The following TTLL5 variants were observed in gnomAD, a reference collection of about 807,000 sequenced individuals.
TTLL5 encodes the protein tubulin polyglutamylase TTLL5.
Under a neutral mutation model 168.4 loss-of-function variants are expected in TTLL5, and 132 were observed. The observed-to-expected ratio is 0.78, with a 90% CI of 0.68 to 0.91. TTLL5 has a LOEUF of 0.91. Ranked by LOEUF, TTLL5 falls within the 40% of genes least tolerant of loss-of-function variation. The probability of loss-of-function intolerance (pLI) is 0.00; values close to 1 mark genes in which losing one functional copy is unlikely to be tolerated. For missense variants in TTLL5, 1,545 were observed against 1,581.5 expected, an observed-to-expected ratio of 0.98 and a Z score of 0.39; for synonymous variants, 546 against 558.6, an observed-to-expected ratio of 0.98 and a Z score of 0.32.
At chr14:75,702,975 ATGT>A (rs1886388869) in intron 7 of TTLL5, among the ~76,000 whole-genome samples, 1 of 152,138 alleles carries the variant, frequency 6.6e-6, no homozygotes, top group South Asian at 2.1e-4. Context: ...CCTGCAAACC[ATGT>A]TGTTAATACT....
chr14:75,920,654 G>A (rs1361081584), intron 31 of TTLL5, among the ~76,000 whole-genome samples: 2 of 152,224 alleles, frequency 1.3e-5, no homozygotes, highest in Non-Finnish European at 2.9e-5. Context: ...TGTCACTGAT[G>A]GACATTTGGG....
intron 27 of TTLL5, among the ~76,000 whole-genome samples, chr14:75,811,159 G>GTGTGTA (rs1464844307): frequency 1.0e-4 from 14 of 135,090 alleles, no homozygotes; most frequent in South Asian, 2.3e-4. Context: ...AAGAAAGAGT[G>GTGTGTA]TGTGTGTGTG....
At chr14:75,857,635 T>C (rs1897199511) in intron 28 of TTLL5, among the ~76,000 whole-genome samples, 1 of 151,586 alleles carries the variant, frequency 6.6e-6, no homozygotes. Context: ...TCTTGTTTGA[T>C]AGAATTCTTT....
intron 3 of TTLL5, among the ~76,000 whole-genome samples, chr14:75,677,344 T>C (rs890059650): frequency 1.3e-5 from 2 of 151,236 alleles, no homozygotes; most frequent in Non-Finnish European, 3.0e-5. Context: ...AGAATCAGGG[T>C]TTGAACCCTA....
At chr14:75,797,334 T>C (rs1893048395) in intron 27 of TTLL5, among the ~76,000 whole-genome samples, 1 of 152,012 alleles carries the variant, frequency 6.6e-6, no homozygotes, top group Admixed American at 6.6e-5. Context: ...TGAACCTTTA[T>C]GGTTTTCTAG....
At chr14:75,791,779 G>A (rs1388544772) in intron 26 of TTLL5, among the ~76,000 whole-genome samples, 1 of 152,102 alleles carries the variant, frequency 6.6e-6, no homozygotes, top group Non-Finnish European at 1.5e-5. Flanking sequence ...TGTATATGCA[G>A]AATGATCATT....
At chr14:75,806,370 A>G (rs1194679013) in intron 27 of TTLL5, among the ~76,000 whole-genome samples, 1 of 151,778 alleles carries the variant, frequency 6.6e-6, no homozygotes, top group Non-Finnish European at 1.5e-5. Flanking sequence ...TCATCATGGT[A>G]CTCTTCTGCT....
intron 29 of TTLL5, among the ~76,000 whole-genome samples, chr14:75,867,483 C>T (rs749454490): frequency 1.3e-5 from 2 of 152,092 alleles, no homozygotes; most frequent in Non-Finnish European, 2.9e-5. Context: ...ATTTCAGGGC[C>T]GGGCGTGGTG....
In TTLL5 at chr14:75,778,488, A is replaced by T. The variant is rs116870602; in HGVS notation, c.2388-1087A>T. Reference sequence around the variant, plus strand: ...CTGACAGGCAAAGGTTTGCACCCTCAGCTGTAGATCTTTGATAGTCACTTG... The same window carrying T: ...CTGACAGGCAAAGGTTTGCACCCTCTGCTGTAGATCTTTGATAGTCACTTG... On this transcript the variant is annotated intron_variant, in intron 23 of 31. Coordinates refer to ENST00000298832, the MANE Select transcript of TTLL5 (RefSeq NM_015072.5). 3.9e-5 allele frequency among the ~76,000 whole-genome samples: 6 copies of T among 152,310 alleles called. No homozygotes were observed. The East Asian group carries it at 7.7e-4, about 20-fold the overall frequency.
intron 9 of TTLL5, chr14:75,711,679 G>A (rs892770633): frequency 1.3e-5 from 2 of 152,136 alleles, no homozygotes; most frequent in Non-Finnish European, 2.9e-5. Context: ...GGAAGGTCCC[G>A]GTTGGAATGG....
chr14:75,841,811 A>T (rs1016117839), intron 28 of TTLL5, among the ~76,000 whole-genome samples: 4 of 152,192 alleles, frequency 2.6e-5, no homozygotes, highest in Non-Finnish European at 5.9e-5. Context: ...ACACATATGG[A>T]AAGATTAGGT....
intron 31 of TTLL5, among the ~76,000 whole-genome samples, chr14:75,940,605 C>G (rs2034570781): frequency 6.6e-6 from 1 of 152,126 alleles, no homozygotes; most frequent in Non-Finnish European, 1.5e-5. Flanking sequence ...ATTTTCATAA[C>G]AGGGTGGTTA....
At chr14:75,817,811 C>CTT (rs199966546) in intron 27 of TTLL5, among the ~76,000 whole-genome samples, 3,242 of 123,222 alleles carry the variant, frequency 0.026, 124 homozygotes, top group African/African-American at 0.093. Flanking sequence ...CACAACCATT[C>CTT]TTTCTTTTCT....
chr14:75,815,746 G>C (rs1894355527), intron 27 of TTLL5, among the ~76,000 whole-genome samples: 1 of 152,136 alleles, frequency 6.6e-6, no homozygotes, highest in Non-Finnish European at 1.5e-5. Context: ...TTTCCTACTA[G>C]TTTCCAAACT....
chr14:75,894,389 T>C (rs1272180896), intron 30 of TTLL5, among the ~76,000 whole-genome samples: 1 of 151,980 alleles, frequency 6.6e-6, no homozygotes, highest in Non-Finnish European at 1.5e-5. Flanking sequence ...CCATCTCTAC[T>C]AAAAATACAA....
intron 3 of TTLL5, among the ~76,000 whole-genome samples, chr14:75,673,397 T>A (rs1375904250): frequency 6.6e-6 from 1 of 152,244 alleles, no homozygotes; most frequent in African/African-American, 2.4e-5. Flanking sequence ...TCTGTAGCCA[T>A]CTTCAAAGGT....
chr14:75,732,000 CTTT>C (rs762598685), intron 12 of TTLL5, among the ~76,000 whole-genome samples: 4 of 129,554 alleles, frequency 3.1e-5, no homozygotes, highest in Non-Finnish European at 5.0e-5. Context: ...TTCCCCGCCT[CTTT>C]TTTTTTTTTT....
chr14:75,762,681 G>T (rs1240422816), intron 18 of TTLL5, among the ~76,000 whole-genome samples: 1 of 152,044 alleles, frequency 6.6e-6, no homozygotes, highest in Admixed American at 6.6e-5. Context: ...TTTATCCAGG[G>T]TCTCTTGGTT....
chr14:75,674,522 T>G (rs1280185411), intron 3 of TTLL5, among the ~76,000 whole-genome samples: 1 of 152,226 alleles, frequency 6.6e-6, no homozygotes, highest in African/African-American at 2.4e-5. Flanking sequence ...TTAATATTTT[T>G]GGTACAATAT....
Sources: gnomAD v4.1 joint callset for allele counts (sites outside exome capture counted in the v4.1 genomes callset) on GRCh38, gnomAD v4.1.1 for gene constraint, MANE v1.5 for transcripts, NCBI Gene and HGNC (gene_info 2026-07-23, HGNC 2026-07-21) for gene names.